Variants in WRN observed in about 807,000 individuals in gnomAD.
The protein encoded by WRN is WRN RecQ like helicase.
Under a neutral mutation model 180.7 loss-of-function variants are expected in WRN, and 149 were observed. That is an observed-to-expected ratio of 0.82 (90% CI 0.72 to 0.94). WRN has a LOEUF of 0.94. Among genes scored for constraint, WRN ranks in the 40% least tolerant of loss-of-function variants. WRN has a pLI of 0.00. For synonymous variants in WRN, 548 were observed against 568.9 expected, an observed-to-expected ratio of 0.96 and a Z score of 0.52; for missense variants, 1,661 against 1,700.1, an observed-to-expected ratio of 0.98 and a Z score of 0.40.
intron 8 of WRN, among the ~76,000 whole-genome samples, chr8:31,079,896 A>G (rs1813233133): frequency 6.6e-6 from 1 of 152,022 alleles, no homozygotes; most frequent in South Asian, 2.1e-4. Context: ...TTTTTTTGAA[A>G]CAGAGTATTG....
At chr8:31,078,497 A>G (rs1188149700) in intron 8 of WRN, among the ~76,000 whole-genome samples, 1 of 152,202 alleles carries the variant, frequency 6.6e-6, no homozygotes, top group Non-Finnish European at 1.5e-5. Context: ...AATGGTGTAA[A>G]TAAGTAATCA....
At chr8:31,060,370 C>A (rs1812443538) in intron 3 of WRN, among the ~76,000 whole-genome samples, 1 of 152,054 alleles carries the variant, frequency 6.6e-6, no homozygotes, top group Non-Finnish European at 1.5e-5. Context: ...AGTTTGAGAC[C>A]AGCCATAGTA....
chr8:31,101,434 T>C (rs936196404), intron 18 of WRN, among the ~76,000 whole-genome samples: 1 of 152,184 alleles, frequency 6.6e-6, no homozygotes, highest in South Asian at 2.1e-4. Context: ...AACTATTCTA[T>C]AGAAATTTTA....
chr8:31,081,085 A>G lies in WRN; in HGVS notation c.1058A>G (p.His353Arg). The G allele has an allele frequency of 6.2e-7, 1 of 1,614,088 alleles. No homozygotes were observed. The highest frequency in any genetic ancestry group is 8.5e-7 in the Non-Finnish European group (1 of 1,179,980). Residue 353 changes from histidine to arginine, a missense_variant, in exon 9 of 35, where the codon CAT becomes CGT. By Grantham distance (29) the His-to-Arg change is conservative (BLOSUM62 0). Around this residue, in one of 3 missense-constraint regions of WRN, gnomAD observed 500 missense variants for 504.1 expected, o/e 0.99. Coordinates refer to ENST00000298139, the MANE Select transcript of WRN (RefSeq NM_000553.6). The part of the protein sequence containing the change: ...EDETWDPTLD[H>R]LAKHDGEDVL... ...GAAACATGGGACCCAACACTTGATC[A>G]TTTAGCTAAACATGATGGAGAAGAT...
chr8:31,055,794 A>G (rs1347150546), intron 1 of WRN, among the ~76,000 whole-genome samples: 2 of 152,192 alleles, frequency 1.3e-5, no homozygotes, highest in Admixed American at 1.3e-4. Flanking sequence ...TACATGCTCA[A>G]CGACATAGCG....
intron 24 of WRN, among the ~76,000 whole-genome samples, chr8:31,137,888 C>T (rs1263722542): frequency 6.6e-6 from 1 of 152,052 alleles, no homozygotes; most frequent in East Asian, 1.9e-4. Context: ...CTCTCAACCC[C>T]AGGAGTTCAA....
intron 32 of WRN, among the ~76,000 whole-genome samples, chr8:31,155,622 CAAAAAA>C (rs748568497): frequency 1.0e-5 from 1 of 98,356 alleles, no homozygotes; most frequent in South Asian, 3.4e-4. Context: ...ACTCGGTCTC[CAAAAAA>C]AAAAAAAAAA....
intron 30 of WRN, among the ~76,000 whole-genome samples, chr8:31,149,258 G>A (rs1296760466): frequency 6.6e-6 from 1 of 151,532 alleles, no homozygotes; most frequent in Non-Finnish European, 1.5e-5. Flanking sequence ...TTAGCCGGGC[G>A]TGGTGGCGGG....
At chr8:31,087,535 T>C in intron 11 of WRN, 1 of 439,282 alleles carries the variant, frequency 2.3e-6, no homozygotes, top group South Asian at 2.4e-5. Flanking sequence ...GGCAGTTTAT[T>C]ATATGCTATT....
At chr8:31,138,809 C>T (rs1802496263) in intron 24 of WRN, among the ~76,000 whole-genome samples, 1 of 151,914 alleles carries the variant, frequency 6.6e-6, no homozygotes, top group South Asian at 2.1e-4. Context: ...TTAACTATAC[C>T]TATCAGAAGC....
At chr8:31,037,267 T>G (rs1811485554) in intron 1 of WRN, among the ~76,000 whole-genome samples, 1 of 152,202 alleles carries the variant, frequency 6.6e-6, no homozygotes, top group South Asian at 2.1e-4. Flanking sequence ...GGTTTTGCGC[T>G]GCTATGAGAA....
At chr8:31,139,990 T>G (rs1241258554) in intron 24 of WRN, among the ~76,000 whole-genome samples, 6 of 149,636 alleles carry the variant, frequency 4.0e-5, no homozygotes, top group Non-Finnish European at 8.9e-5. Flanking sequence ...GCTCTATGTT[T>G]GTATACTTCT....
At chr8:31,073,199 T>C (rs1307384541) in intron 7 of WRN, among the ~76,000 whole-genome samples, 12 of 152,230 alleles carry the variant, frequency 7.9e-5, no homozygotes, top group Admixed American at 5.2e-4. Flanking sequence ...CCAGGGCATT[T>C]TGGCAGAGAG....
In WRN at chr8:31,076,330, T is replaced by C. The variant is rs533671893; in HGVS notation, c.839+43T>C. 15 of 1,479,432 alleles carry C rather than the reference T, an allele frequency of 1.0e-5. No individual in the cohort carries two copies. The South Asian group carries it at 1.5e-4, about 15-fold the overall frequency. 91.6% of individuals were successfully genotyped at this position (1,479,432 alleles called of 1,614,324 possible). On this transcript the variant is annotated intron_variant, in intron 8 of 34. Coordinates refer to ENST00000298139, the MANE Select transcript of WRN (RefSeq NM_000553.6). ...TTTTTTTTAACTTAAATCAATTCTG[T>C]TTATTTTTTTATCACATTTTCCTAT...
Position 31,149,636 on chromosome 8 carries a change from G to A in WRN, c.3573-705G>A, listed in dbSNP as rs1241149693. Among the ~76,000 whole-genome samples the A allele has an allele frequency of 4.0e-5, 6 of 151,016 alleles. No individual in the cohort carries two copies. The South Asian group carries it at 6.3e-4, about 16-fold the overall frequency. ...ACTACAGGTGCGCGCTGCCACCCCC[G>A]GCTAATTTTTTGTATTTTAGTAGAG... On this transcript the variant is annotated intron_variant, in intron 30 of 34. Coordinates refer to ENST00000298139, the MANE Select transcript of WRN (RefSeq NM_000553.6).
rs993586586 is a variant in WRN at position 31,135,824 on chromosome 8, T to C, written c.2967+3318T>C. Among the ~76,000 whole-genome samples the C allele has an allele frequency of 2.2e-4, 33 of 152,334 alleles. No homozygotes were observed. The South Asian group carries it at 6.0e-3, about 28-fold the overall frequency. ...TTCTCTCTTCTCTTCTCTTCTCTCT[T>C]CTTTTTCTTTTTTCTTTTTTTCTCT... On this transcript the variant is annotated intron_variant, in intron 24 of 34. Coordinates refer to ENST00000298139, the MANE Select transcript of WRN (RefSeq NM_000553.6).
At chr8:31,047,884 C>T (rs1563321126) in intron 1 of WRN, among the ~76,000 whole-genome samples, 4 of 152,150 alleles carry the variant, frequency 2.6e-5, no homozygotes, top group African/African-American at 4.8e-5. Flanking sequence ...TAAAGCACTT[C>T]GCTGTGCCAT....
At chr8:31,169,748 A>G (rs1342659845) in intron 34 of WRN, among the ~76,000 whole-genome samples, 2 of 152,132 alleles carry the variant, frequency 1.3e-5, no homozygotes, top group Non-Finnish European at 2.9e-5. Flanking sequence ...TGCCATTTTT[A>G]TCTGGGCTTT....
chr8:31,147,748 T>C (rs546082229), intron 30 of WRN, among the ~76,000 whole-genome samples: 1 of 152,264 alleles, frequency 6.6e-6, no homozygotes, highest in South Asian at 2.1e-4. Flanking sequence ...ATGCCGAAAC[T>C]CCTCTTTTTG....
Sources: gnomAD v4.1 joint callset for allele counts (sites outside exome capture counted in the v4.1 genomes callset) on GRCh38, gnomAD v4.1.1 for gene constraint, gnomAD v4.1.1 regional missense constraint, MANE v1.5 for transcripts, NCBI Gene and HGNC (gene_info 2026-07-23, HGNC 2026-07-21) for gene names.